The following ARPC5 variants were observed in gnomAD, a reference collection of about 807,000 sequenced individuals.
ARPC5 encodes actin related protein 2/3 complex subunit 5.
ARPC5 carries 5 observed loss-of-function variants against 15.4 expected under a neutral mutation model. That is an observed-to-expected ratio of 0.32 (90% CI 0.17 to 0.68). ARPC5 has a LOEUF of 0.68. Ranked by LOEUF, ARPC5 falls within the 30% of genes least tolerant of loss-of-function variation. The pLI is 0.71. For missense variants in ARPC5, 138 were observed against 192.8 expected (o/e 0.72, Z 1.68); for synonymous variants, 85 against 72.2 (o/e 1.18, Z -0.90).
At chr1:183,634,908 CTTCTTCTTT>C (rs1649403855) in intron 1 of ARPC5, among the ~76,000 whole-genome samples, 1 of 123,346 alleles carries the variant, frequency 8.1e-6, no homozygotes. Context: ...TCCCCTTCTT[CTTCTTCTTT>C]TTTTTTTTTT....
At chr1:183,632,828 T>A in intron 2 of ARPC5, 1 of 313,738 alleles carries the variant, frequency 3.2e-6, no homozygotes, top group South Asian at 7.2e-5. Context: ...TCAGCCTGAG[T>A]GGTCTCCTCT....
chr1:183,635,642 C>T lies in ARPC5; in HGVS notation c.18G>A (p.Val6=), dbSNP rs1649468568. 28 of 1,613,020 alleles carry T rather than the reference C, an allele frequency of 1.7e-5. No individual in the cohort carries two copies. Among genetic ancestry groups the T allele is most frequent in the Non-Finnish European group, 2.3e-5 (27 of 1,179,556 alleles). The change falls in exon 1 of 4, where the codon GTG becomes GTA. Residue 6 remains valine (V), a synonymous_variant. Coordinates refer to ENST00000359856, the MANE Select transcript of ARPC5 (RefSeq NM_005717.4). ...CCACCTTCCGGAAGCGGGCCGACGA[C>T]ACTGTGTTCTTCGACATCCCAATCC... The part of the protein sequence containing the change: MSKNT[V]SSARFRKVDV...
chr1:183,631,955 A>G (rs1649280303), intron 2 of ARPC5: 2 of 152,228 alleles, frequency 1.3e-5, no homozygotes, highest in South Asian at 4.1e-4. Context: ...GAATGTTTCT[A>G]CCACCTACTG....
At chr1:183,628,244 G>C (rs113472583) in intron 3 of ARPC5, among the ~76,000 whole-genome samples, 5 of 147,072 alleles carry the variant, frequency 3.4e-5, no homozygotes, top group African/African-American at 7.5e-5. Context: ...TGGACATTCT[G>C]CATTTCTCAT....
chr1:183,633,605 G>C (rs940822707), intron 1 of ARPC5: 1 of 152,538 alleles, frequency 6.6e-6, no homozygotes, highest in Non-Finnish European at 1.5e-5. Flanking sequence ...TGTATTATCT[G>C]AAATGCTGGT....
chr1:183,622,113 T>C lies in ARPC5; in HGVS notation c.*5419A>G, dbSNP rs1304388792. 1 of 152,228 alleles carries C rather than the reference T, an allele frequency of 6.6e-6. No individual in the cohort carries two copies. The highest frequency in any genetic ancestry group is 1.5e-5 in the Non-Finnish European group (1 of 68,032). The allele number at this position is 152,228 out of a possible 1,614,324, so 9.4% of individuals were successfully genotyped here. A position where few individuals can be genotyped will look rare whatever the true frequency, so the allele number is the denominator to read the frequency against. ...CAGAACACTATATATAGTATGTTAGTATTTATGTACACAAAGGGGTAAAAT... is the reference window on the plus strand; with the variant it reads ...CAGAACACTATATATAGTATGTTAGCATTTATGTACACAAAGGGGTAAAAT... On this transcript the variant is annotated 3_prime_UTR_variant, in exon 4 of 4. Transcript: ENST00000359856.
chr1:183,624,975 TATC>T lies in ARPC5; in HGVS notation c.*2554_*2556del, dbSNP rs1261122505. The T allele has an allele frequency of 1.3e-5, 2 of 152,242 alleles. No individual in the cohort carries two copies. The highest frequency in any genetic ancestry group is 2.4e-5 in the African/African-American group (1 of 41,456). 9.4% of individuals were successfully genotyped at this position (152,242 alleles called of 1,614,324 possible). On this transcript the variant is annotated 3_prime_UTR_variant, in exon 4 of 4. Coordinates refer to ENST00000359856, the MANE Select transcript of ARPC5 (RefSeq NM_005717.4). Reference sequence around the variant, plus strand: ...TTCACCCATGTTCATGTCCTTAAAATATCATCATACTTGTCATCAAGTATGACT... The same window carrying T: ...TTCACCCATGTTCATGTCCTTAAAATATCATACTTGTCATCAAGTATGACT...
At chr1:183,631,214 A>G (rs1649253229) in intron 2 of ARPC5, 1 of 152,162 alleles carries the variant, frequency 6.6e-6, no homozygotes, top group Non-Finnish European at 1.5e-5. Context: ...ATTTGCTAAC[A>G]GATCAATGTG....
In ARPC5 at chr1:183,623,640, G is replaced by A; in HGVS notation, c.*3892C>T. 1 of 794,862 alleles carries A rather than the reference G, an allele frequency of 1.3e-6. No homozygotes were observed. The highest frequency in any genetic ancestry group is 1.8e-5 in the South Asian group (1 of 54,856). 49.2% of individuals were successfully genotyped at this position (794,862 alleles called of 1,614,324 possible). A position where few individuals can be genotyped will look rare whatever the true frequency, so the allele number is the denominator to read the frequency against. ...CCGTTGGTCTGTTCCTTAATTGGGT[G>A]TGTTTTTCAATTATTTTGGTGCTTT... On this transcript the variant is annotated 3_prime_UTR_variant, in exon 4 of 4. Coordinates refer to ENST00000359856, the MANE Select transcript of ARPC5 (RefSeq NM_005717.4).
Position 183,635,754 on chromosome 1 carries a change from T to C in ARPC5, c.-95A>G. 1 of 1,505,554 alleles carries C rather than the reference T, an allele frequency of 6.6e-7. No homozygotes were observed. Among genetic ancestry groups the C allele is most frequent in the Non-Finnish European group, 9.0e-7 (1 of 1,115,902 alleles). 93.3% of individuals were successfully genotyped at this position (1,505,554 alleles called of 1,614,324 possible). A position where few individuals can be genotyped will look rare whatever the true frequency, so the allele number is the denominator to read the frequency against. ...CCCACTACCCGGCGCCTGATTCACT[T>C]CCCTCTTCCGCTCTGAGGCGTCGCC... is the stretch of plus-strand genomic sequence containing the variant. On this transcript the variant is annotated 5_prime_UTR_variant, in exon 1 of 4. Transcript: ENST00000359856.
chr1:183,630,828 T>A, intron 2 of ARPC5, 191 bp from the exon 3 acceptor site: 1 of 507,886 alleles, frequency 2.0e-6, no homozygotes, highest in South Asian at 4.1e-5. Context: ...TTCAGTGTGT[T>A]CCAGGAACAG....
chr1:183,626,828 A>C lies in ARPC5; in HGVS notation c.*704T>G, dbSNP rs1272779008. ...AACAAAAGTTTGATGTTCATGCCCA[A>C]CAAGCTCTGATATTTTATGGATACA... On this transcript the variant is annotated 3_prime_UTR_variant, in exon 4 of 4. Transcript: ENST00000359856. The C allele has an allele frequency of 6.6e-6, 1 of 152,396 alleles. No individual in the cohort carries two copies. Among genetic ancestry groups the C allele is most frequent in the African/African-American group, 2.4e-5 (1 of 41,580 alleles). The allele number at this position is 152,396 out of a possible 1,614,324, so 9.4% of individuals were successfully genotyped here.
rs567635643 is a variant in ARPC5 at position 183,629,391 on chromosome 1, C to A, written c.393+1070G>T. On this transcript the variant is annotated intron_variant, in intron 3 of 3. Coordinates refer to ENST00000359856, the MANE Select transcript of ARPC5 (RefSeq NM_005717.4). ...TAAATAAAACATTAATAGTATGGTA[C>A]CTGGCAACAGAAAGTGTTCCATGAA... Among the ~76,000 whole-genome samples, 491 of 152,234 alleles carry A rather than the reference C, an allele frequency of 3.2e-3. 4 individuals are homozygous for A. Among genetic ancestry groups the A allele is most frequent in the Non-Finnish European group, 4.9e-3 (331 of 68,012 alleles).
At chr1:183,630,379 G>A (rs1649226719) in intron 3 of ARPC5, 82 bp downstream of exon 3, 5 of 1,118,370 alleles carry the variant, frequency 4.5e-6, no homozygotes, top group Non-Finnish European at 6.2e-6. Context: ...AAATCAAAAT[G>A]GTTATTTAGG....
chr1:183,627,970 A>G (rs1649155118), intron 3 of ARPC5, among the ~76,000 whole-genome samples: 2 of 151,894 alleles, frequency 1.3e-5, no homozygotes, highest in African/African-American at 4.8e-5. Context: ...TCAGGAGATC[A>G]AGACCATCCT....
In ARPC5 at chr1:183,625,995, G is replaced by C. The variant is rs1003375412; in HGVS notation, c.*1537C>G. On this transcript the variant is annotated 3_prime_UTR_variant, in exon 4 of 4. Coordinates refer to ENST00000359856, the MANE Select transcript of ARPC5 (RefSeq NM_005717.4). ...ATAGGTATTCAGCTGCCATCCAGAA[G>C]GCTATGGAATCACTCCAAAGGCTTC... The C allele has an allele frequency of 6.6e-6, 1 of 152,112 alleles. No individual in the cohort carries two copies. The highest frequency in any genetic ancestry group is 2.4e-5 in the African/African-American group (1 of 41,402). The allele number at this position is 152,112 out of a possible 1,614,324, so 9.4% of individuals were successfully genotyped here.
chr1:183,631,837 A>G (rs1261617339), intron 2 of ARPC5: 2 of 152,180 alleles, frequency 1.3e-5, no homozygotes, highest in East Asian at 3.9e-4. Flanking sequence ...TTTCTTACCC[A>G]TCCGGCCAAG....
rs1572202361 is a variant in ARPC5 at position 183,635,721 on chromosome 1, C to A, written c.-62G>T. The A allele has an allele frequency of 5.7e-6, 9 of 1,565,462 alleles. No homozygotes were observed. Among genetic ancestry groups the A allele is most frequent in the Middle Eastern group, 1.7e-4 (1 of 5,844 alleles). ...GCTGCCTCTACCTCAGCAAGCCCAGCCCAGCAACCCACTACCCGGCGCCTG... is the reference window on the plus strand; with the variant it reads ...GCTGCCTCTACCTCAGCAAGCCCAGACCAGCAACCCACTACCCGGCGCCTG... On this transcript the variant is annotated 5_prime_UTR_variant, in exon 1 of 4. Coordinates refer to ENST00000359856, the MANE Select transcript of ARPC5 (RefSeq NM_005717.4).
At chr1:183,630,711 A>G in intron 2 of ARPC5, 74 bp from the exon 3 acceptor site, 1 of 1,391,824 alleles carries the variant, frequency 7.2e-7, no homozygotes, top group Admixed American at 2.2e-5. Flanking sequence ...GAAAGTCTAC[A>G]CTATGAATGT....
Sources: gnomAD v4.1 joint callset for allele counts (sites outside exome capture counted in the v4.1 genomes callset) on GRCh38, gnomAD v4.1.1 for gene constraint, MANE v1.5 for transcripts, NCBI Gene and HGNC (gene_info 2026-07-23, HGNC 2026-07-21) for gene names.